TXNDC16: variants seen among roughly 807,000 people sequenced by gnomAD.
TXNDC16 encodes thioredoxin domain-containing protein 16.
TXNDC16 carries 74 observed loss-of-function variants against 85.6 expected under a neutral mutation model. That is an observed-to-expected ratio of 0.86 (90% CI 0.72 to 1.05). The LOEUF (loss-of-function observed/expected upper bound fraction) is 1.05. TXNDC16 is among the 50% of genes least tolerant of loss of function. TXNDC16 has a pLI of 0.00. For synonymous variants in TXNDC16, 335 were observed against 326.5 expected, an observed-to-expected ratio of 1.03 and a Z score of -0.28; for missense variants, 959 against 947.0, an observed-to-expected ratio of 1.01 and a Z score of -0.17.
In TXNDC16 at chr14:52,455,449, C is replaced by G; in HGVS notation, c.1717G>C (p.Ala573Pro). Residue 573 changes from alanine to proline, a missense_variant, in exon 18 of 21, where the codon GCT (alanine) becomes CCT (proline). Physicochemically the swap from Ala to Pro is conservative, Grantham distance 27. Coordinates refer to ENST00000281741, the MANE Select transcript of TXNDC16 (RefSeq NM_020784.3). ...EDVLLLSTKY[A>P]ASLPALLLAR... ...AGCAGCAGGGCTGGAAGACTTGCAG[C>G]ATATTTGGTTGACCTATGGAGAAAG... The G allele has an allele frequency of 6.2e-7, 1 of 1,613,854 alleles. No individual in the cohort carries two copies. Among genetic ancestry groups the G allele is most frequent in the Admixed American group, 1.7e-5 (1 of 59,970 alleles).
At position 52,537,598 on chromosome 14, in the gene TXNDC16, C is replaced by A; in HGVS notation, c.317+1G>T. 2 of 1,575,532 alleles carry A rather than the reference C, an allele frequency of 1.3e-6. No individual in the cohort carries two copies. The highest frequency in any genetic ancestry group is 1.7e-6 in the Non-Finnish European group (2 of 1,147,122). On this transcript the variant is annotated splice_donor_variant, in intron 5 of 20. Transcript: ENST00000281741. LOFTEE classifies it high-confidence loss of function. ...CCAGCACACTCAGGAAAATAGCTTA[C>A]TTGAATAAATATGCTTTCATCAAAT... is the stretch of plus-strand genomic sequence containing the variant.
At chr14:52,472,034 A>T (rs1231800752) in intron 14 of TXNDC16, among the ~76,000 whole-genome samples, 1 of 150,798 alleles carries the variant, frequency 6.6e-6, no homozygotes, top group Non-Finnish European at 1.5e-5. Flanking sequence ...AAAATTGTGA[A>T]TGTGGTATTT....
At chr14:52,509,830 A>T (rs904328931) in intron 9 of TXNDC16, among the ~76,000 whole-genome samples, 9 of 151,942 alleles carry the variant, frequency 5.9e-5, no homozygotes, top group Non-Finnish European at 8.8e-5. Context: ...ATACAAAAAA[A>T]TTAGCCAGGT....
intron 16 of TXNDC16, among the ~76,000 whole-genome samples, chr14:52,462,431 C>T (rs1436723873): frequency 6.6e-6 from 1 of 152,204 alleles, no homozygotes; most frequent in African/African-American, 2.4e-5. Flanking sequence ...TCTTATGCCT[C>T]AGCCTCCCAA....
intron 6 of TXNDC16, 126 bp from the exon 7 acceptor site, chr14:52,519,419 T>G (rs2037159682): frequency 1.5e-6 from 1 of 679,382 alleles, no homozygotes; most frequent in South Asian, 2.1e-5. Context: ...GTAGTAATAA[T>G]GTAAGCATTT....
intron 6 of TXNDC16, among the ~76,000 whole-genome samples, chr14:52,519,604 G>T (rs1192889011): frequency 6.6e-6 from 1 of 152,158 alleles, no homozygotes. Flanking sequence ...TCTCAGCCTT[G>T]AACACATTTA....
At chr14:52,532,784 GA>G (rs879552614) in intron 6 of TXNDC16, among the ~76,000 whole-genome samples, 9 of 147,040 alleles carry the variant, frequency 6.1e-5, no homozygotes, top group Non-Finnish European at 7.5e-5. Context: ...GAGTACAACA[GA>G]AAAAAAAAAC....
rs1489374083 is a variant in TXNDC16 at position 52,485,115 on chromosome 14, T to C, written c.1109-2150A>G. On this transcript the variant is annotated intron_variant, in intron 12 of 20. Coordinates refer to ENST00000281741, the MANE Select transcript of TXNDC16 (RefSeq NM_020784.3). Reference sequence around the variant, plus strand: ...GAAATGACAGCTCCATGCTTGTTACTGTCCCTGAAGACCTTCCAAAGGGAC... The same window carrying C: ...GAAATGACAGCTCCATGCTTGTTACCGTCCCTGAAGACCTTCCAAAGGGAC... 2.0e-5 allele frequency among the ~76,000 whole-genome samples: 3 copies of C among 152,322 alleles called. No individual in the cohort carries two copies. In the East Asian group the frequency reaches 5.8e-4, roughly 29 times the overall value.
chr14:52,541,469 C>A (rs2037830217), intron 4 of TXNDC16, among the ~76,000 whole-genome samples: 1 of 152,110 alleles, frequency 6.6e-6, no homozygotes, highest in South Asian at 2.1e-4. Context: ...CATTATCATT[C>A]TAGAGTGAAA....
At chr14:52,521,237 C>T (rs1168235003) in intron 6 of TXNDC16, among the ~76,000 whole-genome samples, 1 of 150,994 alleles carries the variant, frequency 6.6e-6, no homozygotes, top group Non-Finnish European at 1.5e-5. Context: ...GTCAGCCTCC[C>T]GAGTGGCTGG....
intron 9 of TXNDC16, among the ~76,000 whole-genome samples, chr14:52,499,449 A>T (rs531195649): frequency 6.6e-6 from 1 of 152,132 alleles, no homozygotes; most frequent in South Asian, 2.1e-4. Flanking sequence ...CAAATAACTC[A>T]ATTTTTTAAA....
intron 1 of TXNDC16, among the ~76,000 whole-genome samples, chr14:52,549,361 G>A (rs2037999910): frequency 6.6e-6 from 1 of 152,176 alleles, no homozygotes; most frequent in South Asian, 2.1e-4. Flanking sequence ...GGCTCCGTGA[G>A]ACAATAGTAG....
intron 4 of TXNDC16, among the ~76,000 whole-genome samples, chr14:52,541,117 T>A (rs2037821541): frequency 6.6e-6 from 1 of 152,044 alleles, no homozygotes; most frequent in Non-Finnish European, 1.5e-5. Flanking sequence ...ATGCCTGTAA[T>A]CCTAGCTACT....
chr14:52,477,614 A>G (rs1287792958), intron 14 of TXNDC16, among the ~76,000 whole-genome samples: 1 of 152,216 alleles, frequency 6.6e-6, no homozygotes, highest in African/African-American at 2.4e-5. Context: ...GCCTTGTCCA[A>G]CAGGAAAATA....
chr14:52,440,782 C>A, intron 18 of TXNDC16, 58 bp from the exon 19 acceptor site: 3 of 1,430,746 alleles, frequency 2.1e-6, no homozygotes, highest in Non-Finnish European at 2.9e-6. Flanking sequence ...TAATGCATAC[C>A]ACAGAAGACA....
At chr14:52,469,439 C>T (rs1594704408) in intron 16 of TXNDC16, among the ~76,000 whole-genome samples, 1 of 152,072 alleles carries the variant, frequency 6.6e-6, no homozygotes, top group Non-Finnish European at 1.5e-5. Context: ...AATATCAATA[C>T]ATCATTGTAA....
intron 9 of TXNDC16, among the ~76,000 whole-genome samples, chr14:52,494,585 T>G (rs190270313): frequency 7.6e-4 from 116 of 152,278 alleles, no homozygotes; most frequent in African/African-American, 2.7e-3. Flanking sequence ...AATTAGTAAT[T>G]CAGTATTATA....
At chr14:52,502,664 T>C (rs1432856377) in intron 9 of TXNDC16, among the ~76,000 whole-genome samples, 4 of 152,186 alleles carry the variant, frequency 2.6e-5, no homozygotes, top group African/African-American at 9.7e-5. Flanking sequence ...AGAAGATGAA[T>C]GATTTCTCCA....
intron 1 of TXNDC16, among the ~76,000 whole-genome samples, chr14:52,546,101 C>T (rs2037935965): frequency 6.6e-6 from 1 of 151,948 alleles, no homozygotes; most frequent in African/African-American, 2.4e-5. Flanking sequence ...GCCTAGACAA[C>T]ACAGAGACCC....
Sources: allele counts gnomAD v4.1 joint callset (sites outside exome capture counted in the v4.1 genomes callset), GRCh38; gene constraint gnomAD v4.1.1; transcripts MANE v1.5; gene names NCBI Gene and HGNC (gene_info 2026-07-23, HGNC 2026-07-21).